The following STK38L variants were observed in gnomAD, a reference collection of about 807,000 sequenced individuals.
STK38L encodes serine/threonine-protein kinase 38-like.
A neutral mutation model predicts 59.7 loss-of-function variants in STK38L; 28 were observed. The observed-to-expected ratio is 0.47, with a 90% confidence interval of 0.35 to 0.64. The LOEUF (loss-of-function observed/expected upper bound fraction) is 0.64. Ranked by LOEUF, STK38L falls within the 30% of genes least tolerant of loss-of-function variation. The pLI is 0.01. For synonymous variants in STK38L, 162 were observed against 176.8 expected (o/e 0.92, Z 0.66); for missense variants, 314 against 555.8 (o/e 0.56, Z 4.37).
At chr12:27,259,063 A>G (rs1403555050) in intron 1 of STK38L, among the ~76,000 whole-genome samples, 2 of 152,192 alleles carry the variant, frequency 1.3e-5, no homozygotes, top group East Asian at 3.8e-4. Flanking sequence ...AAAAGAAATA[A>G]AGTTACTTGG....
At chr12:27,287,627 G>T (rs191035048) in intron 1 of STK38L, among the ~76,000 whole-genome samples, 22 of 152,086 alleles carry the variant, frequency 1.4e-4, no homozygotes, top group Non-Finnish European at 2.6e-4. Context: ...TTTTTTTGAA[G>T]TTTAATTTTT....
intron 1 of STK38L, among the ~76,000 whole-genome samples, chr12:27,273,398 A>T (rs1943465479): frequency 6.6e-6 from 1 of 152,012 alleles, no homozygotes; most frequent in Non-Finnish European, 1.5e-5. Context: ...GAGTGTTGAC[A>T]GGCTTGTTTT....
intron 1 of STK38L, among the ~76,000 whole-genome samples, chr12:27,277,414 A>G (rs1049492377): frequency 2.7e-5 from 4 of 148,660 alleles, no homozygotes; most frequent in Admixed American, 6.7e-5. Flanking sequence ...ACACACACAC[A>G]CACACACAGC....
At chr12:27,302,021 T>G (rs1944187033) in intron 2 of STK38L, 116 bp from the exon 3 acceptor site, 2 of 703,278 alleles carry the variant, frequency 2.8e-6, no homozygotes, top group African/African-American at 1.9e-5. Context: ...CTTGAAAGTT[T>G]TTTTTTTTTT....
intron 5 of STK38L, among the ~76,000 whole-genome samples, chr12:27,310,972 A>G (rs766944656): frequency 6.6e-6 from 1 of 152,208 alleles, no homozygotes; most frequent in Non-Finnish European, 1.5e-5. Context: ...CTTTTATCAC[A>G]TTTATTTTAA....
At chr12:27,272,745 C>G (rs747518432) in intron 1 of STK38L, among the ~76,000 whole-genome samples, 1 of 151,958 alleles carries the variant, frequency 6.6e-6, no homozygotes, top group East Asian at 2.0e-4. Context: ...CTTTCAAAAC[C>G]TCTTTCCCCC....
intron 1 of STK38L, among the ~76,000 whole-genome samples, chr12:27,282,987 G>T (rs563715613): frequency 7.2e-5 from 11 of 152,292 alleles, no homozygotes; most frequent in African/African-American, 2.6e-4. Context: ...TAAATCAGAA[G>T]AGTGACACAT....
At chr12:27,251,602 A>G (rs1942976852) in intron 1 of STK38L, among the ~76,000 whole-genome samples, 1 of 152,214 alleles carries the variant, frequency 6.6e-6, no homozygotes, top group African/African-American at 2.4e-5. Flanking sequence ...GGCCTCTACA[A>G]AATTAGTTGA....
chr12:27,265,190 T>C (rs1440058206), intron 1 of STK38L, among the ~76,000 whole-genome samples: 1 of 152,220 alleles, frequency 6.6e-6, no homozygotes, highest in Non-Finnish European at 1.5e-5. Context: ...AATAGTACTT[T>C]AGTAAACAAG....
intron 5 of STK38L, among the ~76,000 whole-genome samples, chr12:27,311,854 T>A (rs904597372): frequency 6.6e-6 from 1 of 152,120 alleles, no homozygotes; most frequent in African/African-American, 2.4e-5. Context: ...CAAGCTTAGG[T>A]TTGCTGTACC....
chr12:27,259,062 A>G (rs1565524751), intron 1 of STK38L, among the ~76,000 whole-genome samples: 1 of 152,162 alleles, frequency 6.6e-6, no homozygotes, highest in Non-Finnish European at 1.5e-5. Flanking sequence ...CAAAAGAAAT[A>G]AAGTTACTTG....
At chr12:27,259,377 C>T (rs552955023) in intron 1 of STK38L, among the ~76,000 whole-genome samples, 6 of 152,166 alleles carry the variant, frequency 3.9e-5, no homozygotes, top group East Asian at 3.9e-4. Context: ...TGCAGTGTGT[C>T]GGGGGCAGGT....
chr12:27,290,433 A>T (rs1943871713), intron 1 of STK38L, among the ~76,000 whole-genome samples: 1 of 152,198 alleles, frequency 6.6e-6, no homozygotes. Context: ...GACTCAGGTT[A>T]AATAACTCAG....
chr12:27,263,237 T>C (rs1943239220), intron 1 of STK38L, among the ~76,000 whole-genome samples: 1 of 152,220 alleles, frequency 6.6e-6, no homozygotes, highest in Non-Finnish European at 1.5e-5. Context: ...TATGAAAATA[T>C]TTCTTATCAG....
At chr12:27,276,880 A>C (rs1300042918) in intron 1 of STK38L, among the ~76,000 whole-genome samples, 1 of 152,220 alleles carries the variant, frequency 6.6e-6, no homozygotes, top group African/African-American at 2.4e-5. Flanking sequence ...GGTAGAGTGA[A>C]GATGCCTTGG....
At chr12:27,301,214 C>T (rs1312971046) in intron 2 of STK38L, among the ~76,000 whole-genome samples, 1 of 152,182 alleles carries the variant, frequency 6.6e-6, no homozygotes, top group Non-Finnish European at 1.5e-5. Context: ...CTGAACCTGG[C>T]TGTACCTAGA....
rs1944665022 is a variant in STK38L at position 27,319,220 on chromosome 12, TAAAAGA to T, written c.1080-103_1080-98del. On this transcript the variant is annotated intron_variant, in intron 11 of 13. Transcript: ENST00000389032. ...CTACAATAAACATAGTTAACATCAA[TAAAAGA>T]AAAACATTATATTTCTTTAAAAAAG... 3 of 694,484 alleles carry T rather than the reference TAAAAGA, an allele frequency of 4.3e-6. No individual in the cohort carries two copies. In the East Asian group the frequency reaches 8.4e-5, roughly 19 times the overall value. 43.0% of individuals were successfully genotyped at this position (694,484 alleles called of 1,614,324 possible).
At chr12:27,245,941 CTT>C (rs1942841497) in intron 1 of STK38L, 1 of 152,090 alleles carries the variant, frequency 6.6e-6, no homozygotes. Context: ...TTTTTGTACT[CTT>C]TTGAAAGGCC....
intron 1 of STK38L, among the ~76,000 whole-genome samples, chr12:27,287,619 T>G (rs542585622): frequency 6.6e-6 from 1 of 152,314 alleles, no homozygotes; most frequent in Admixed American, 6.5e-5. Context: ...TCCTCTAATT[T>G]TTTTGAAGTT....
Sources: gnomAD v4.1 joint callset for allele counts (sites outside exome capture counted in the v4.1 genomes callset) on GRCh38, gnomAD v4.1.1 for gene constraint, MANE v1.5 for transcripts, NCBI Gene and HGNC (gene_info 2026-07-23, HGNC 2026-07-21) for gene names.